The following PODNL1 variants were observed in gnomAD, a reference collection of about 807,000 sequenced individuals.
PODNL1 encodes the protein podocan like 1.
Under a neutral mutation model 45.1 loss-of-function variants are expected in PODNL1, and 50 were observed. The ratio of observed to expected loss-of-function variants is 1.11; its 90% CI spans 0.88 to 1.40. The LOEUF is 1.40. PODNL1 is among the 40% of genes most tolerant of loss of function. PODNL1 has a pLI of 0.00. For synonymous variants in PODNL1, 406 were observed against 372.5 expected, an observed-to-expected ratio of 1.09 and a Z score of -1.04; for missense variants, 788 against 793.3, an observed-to-expected ratio of 0.99 and a Z score of 0.08.
intron 1 of PODNL1, among the ~76,000 whole-genome samples, chr19:13,947,454 C>T (rs1164758796): frequency 6.6e-6 from 1 of 150,612 alleles, no homozygotes; most frequent in Non-Finnish European, 1.5e-5. Flanking sequence ...GCACTCCAGC[C>T]TGGGTGACAA....
intron 1 of PODNL1, chr19:13,952,538 G>T: frequency 8.0e-7 from 1 of 1,252,166 alleles, no homozygotes; most frequent in Non-Finnish European, 1.0e-6. Flanking sequence ...AAATCGGAGC[G>T]GAACAGCGGG....
At chr19:13,938,908 G>A (rs975018619), upstream of PODNL1, among the ~76,000 whole-genome samples, 1 of 152,190 alleles carries the variant, frequency 6.6e-6, no homozygotes, top group Non-Finnish European at 1.5e-5. Flanking sequence ...CCTTTCTGGG[G>A]TAATGGTTGG....
intron 2 of PODNL1, 108 bp from the exon 3 acceptor site, chr19:13,936,568 A>G (rs1052929587): frequency 5.0e-6 from 4 of 797,114 alleles, no homozygotes; most frequent in Non-Finnish European, 8.4e-6. Context: ...TACCATCATC[A>G]CCCCCACAGT....
chr19:13,947,482 AAAAAAAAAAAG>A (rs1028198513), intron 1 of PODNL1, among the ~76,000 whole-genome samples: 14 of 144,246 alleles, frequency 9.7e-5, no homozygotes, highest in Non-Finnish European at 2.1e-4. Context: ...ACTCCACCTC[AAAAAAAAAAAG>A]AAAAAAAAAA....
rs772160187 is a variant in PODNL1, at chr19:13,933,243, C to G, written c.980G>C (p.Arg327Pro). 1 of 1,545,752 alleles carries G rather than the reference C, an allele frequency of 6.5e-7. No individual in the cohort carries two copies. The highest frequency in any genetic ancestry group is 1.7e-4 in the Middle Eastern group (1 of 5,974). The change falls in exon 8 of 10, where the codon CGG (arginine) becomes CCG (proline). Residue 327 changes from arginine (R) to proline (P), a missense_variant. Physicochemically the swap from Arg to Pro is moderately radical, Grantham distance 103. Transcript: ENST00000588872. This position sits in a 1 kb window ranked among gnomAD's most constrained non-coding sequence, Gnocchi z 5.2. Reference sequence around the variant, plus strand: ...CAGCGTGTGCAGGCCCCGCAGCGGCCGCAGAGCCCCGGCGGGCAGCCCTGA... The same window carrying G: ...CAGCGTGTGCAGGCCCCGCAGCGGCGGCAGAGCCCCGGCGGGCAGCCCTGA... Reference protein sequence around the residue: ...GSSGLPAGALRPLRGLHTLHL... With the variant: ...GSSGLPAGALPPLRGLHTLHL...
At chr19:13,942,691 A>G (rs1568441542), upstream of PODNL1, among the ~76,000 whole-genome samples, 1 of 152,106 alleles carries the variant, frequency 6.6e-6, no homozygotes, top group Non-Finnish European at 1.5e-5. Context: ...CAGAATGCAC[A>G]TAGGATTGGC....
chr19:13,945,019 AC>A (rs1972770237), intron 1 of PODNL1, among the ~76,000 whole-genome samples: 1 of 151,634 alleles, frequency 6.6e-6, no homozygotes, highest in African/African-American at 2.4e-5. Context: ...CAGGTGATCC[AC>A]CCACCTTGGC....
In PODNL1 at chr19:13,932,824, T is replaced by C; in HGVS notation, c.1399A>G (p.Thr467Ala). Reference protein sequence around the residue: ...RLRVGDIGPGTWHELQALQML... With the variant: ...RLRVGDIGPGAWHELQALQML... ...TGGAGGGCTTGGAGCTCATGCCAGGTGCCTGGCCCGATGTCGCCGACCCGG... is the reference window on the plus strand; with the variant it reads ...TGGAGGGCTTGGAGCTCATGCCAGGCGCCTGGCCCGATGTCGCCGACCCGG... Residue 467 changes from threonine (T) to alanine (A), a missense_variant, in exon 8 of 10, where the codon ACC becomes GCC. Around this residue, in one of 3 missense-constraint regions of PODNL1, gnomAD observed 762 missense variants for 750.9 expected, o/e 1.01. Coordinates refer to ENST00000588872, the MANE Select transcript of PODNL1 (RefSeq NM_001370095.3). The C allele has an allele frequency of 6.2e-7, 1 of 1,612,920 alleles. No individual in the cohort carries two copies. Among genetic ancestry groups the C allele is most frequent in the Non-Finnish European group, 8.5e-7 (1 of 1,179,972 alleles).
intron 1 of PODNL1, among the ~76,000 whole-genome samples, chr19:13,951,111 C>A (rs916278530): frequency 2.8e-4 from 41 of 144,860 alleles, no homozygotes; most frequent in African/African-American, 7.0e-4. Flanking sequence ...TTTTAAAAAA[C>A]CATATTTTGG....
intron 2 of PODNL1, 64 bp downstream of exon 2, chr19:13,937,721 C>T: frequency 6.8e-7 from 1 of 1,476,732 alleles, no homozygotes; most frequent in Non-Finnish European, 9.2e-7. Flanking sequence ...TGGGGCACCC[C>T]TCCAGCTCCC....
intron 8 of PODNL1, 151 bp downstream of exon 8, chr19:13,932,647 C>G: frequency 6.5e-7 from 1 of 1,541,904 alleles, no homozygotes; most frequent in African/African-American, 1.4e-5. Context: ...TGAGCCACCT[C>G]ACCCAGCCTC....
chr19:13,931,869 C>T lies in PODNL1; in HGVS notation c.1593G>A (p.Met531Ile), dbSNP rs879933435. ...GGAAGGCCTCAGCCGCGATGCTCGTCATGTGAAGCCTGTTGGCCCTGCACA... is the reference window on the plus strand; with the variant it reads ...GGAAGGCCTCAGCCGCGATGCTCGTTATGTGAAGCCTGTTGGCCCTGCACA... ...ALFLRANRLHMTSIAAEAFLG... is the reference protein window; with the variant it reads ...ALFLRANRLHITSIAAEAFLG... Residue 531 changes from methionine to isoleucine, a missense_variant, in exon 10 of 10, where the codon ATG becomes ATA. By Grantham distance (10) the Met-to-Ile change is conservative (BLOSUM62 1). Transcript: ENST00000588872. 4.1e-6 allele frequency: 5 copies of T among 1,231,902 alleles called. No individual in the cohort carries two copies. The highest frequency in any genetic ancestry group is 5.1e-6 in the Non-Finnish European group (5 of 987,944). 76.3% of individuals were successfully genotyped at this position (1,231,902 alleles called of 1,614,324 possible).
intron 1 of PODNL1, chr19:13,952,949 G>T: frequency 2.2e-6 from 2 of 915,534 alleles, no homozygotes; most frequent in Non-Finnish European, 3.2e-6. Context: ...GGGAGAATCA[G>T]GAGGAAGGGG....
At chr19:13,950,876 C>G (rs914889102) in intron 1 of PODNL1, among the ~76,000 whole-genome samples, 4 of 151,800 alleles carry the variant, frequency 2.6e-5, no homozygotes, top group African/African-American at 9.7e-5. Context: ...GAAACCCTGT[C>G]TCTACTAAAA....
rs1972489636 is a variant in PODNL1 at position 13,937,957 on chromosome 19, G to GCGA, written c.50_52dup (p.Val17dup). The GCGA allele has an allele frequency of 6.5e-7, 1 of 1,543,022 alleles. No individual in the cohort carries two copies. Among genetic ancestry groups the GCGA allele is most frequent in the Admixed American group, 2.0e-5 (1 of 50,718 alleles). On this transcript the variant is annotated inframe_insertion, in exon 2 of 10. Coordinates refer to ENST00000588872, the MANE Select transcript of PODNL1 (RefSeq NM_001370095.3). ...GGGGAAGGCAGCGTCTTCCAAGCCG[G>GCGA]CGACGGGCGGGGGCCCCGGCAACAG...
At chr19:13,932,233 C>G in intron 8 of PODNL1, 121 bp from the exon 9 acceptor site, 2 of 1,212,868 alleles carry the variant, frequency 1.6e-6, no homozygotes, top group East Asian at 3.2e-5. Flanking sequence ...CCTTCTGCCC[C>G]CCACCCCCCA....
intron 1 of PODNL1, chr19:13,949,707 GGTTTT>G (rs1170035753): frequency 6.6e-6 from 1 of 151,750 alleles, no homozygotes; most frequent in African/African-American, 2.4e-5. Context: ...TTGGGTTTTG[GGTTTT>G]GTTTTGAGAC....
At chr19:13,936,152 T>C (rs1972336159) in intron 3 of PODNL1, 108 bp from the exon 4 acceptor site, 2 of 1,077,004 alleles carry the variant, frequency 1.9e-6, no homozygotes, top group Admixed American at 2.2e-5. Flanking sequence ...TGGCAGAGGC[T>C]CCCCAGGCCC....
Position 13,938,354 on chromosome 19 carries a change from C to A in PODNL1, c.-173G>T. 10 of 1,414,454 alleles carry A rather than the reference C, an allele frequency of 7.1e-6. No individual in the cohort carries two copies. In the South Asian group the frequency reaches 1.1e-4, roughly 16 times the overall value. The allele number at this position is 1,414,454 out of a possible 1,614,324, so 87.6% of individuals were successfully genotyped here. On this transcript the variant is annotated 5_prime_UTR_variant, in exon 1 of 10. Coordinates refer to ENST00000588872, the MANE Select transcript of PODNL1 (RefSeq NM_001370095.3). ...CGGGGCTTTGGGGGAGCTGGCCCAC[C>A]CCCTTCCCCGCCCTGGGGAGGACGG...
Sources: gnomAD v4.1 joint callset for allele counts (sites outside exome capture counted in the v4.1 genomes callset) on GRCh38, gnomAD v4.1.1 for gene constraint, gnomAD v4.1.1 regional missense constraint, Gnocchi (gnomAD v3.1) non-coding constraint, MANE v1.5 for transcripts, NCBI Gene and HGNC (gene_info 2026-07-23, HGNC 2026-07-21) for gene names.